The following EMILIN2 variants were observed in gnomAD, a reference collection of about 807,000 sequenced individuals.
EMILIN2 encodes EMILIN-2.
A neutral mutation model predicts 87.1 loss-of-function variants in EMILIN2; 71 were observed. The observed-to-expected ratio is 0.82, with a 90% CI of 0.67 to 0.99. EMILIN2 has a LOEUF of 0.99. Ranked by LOEUF, EMILIN2 falls within the 50% of genes least tolerant of loss-of-function variation. The pLI, the probability that EMILIN2 is intolerant of heterozygous loss-of-function variation, is 0.00. For synonymous variants in EMILIN2, 581 were observed against 563.4 expected (o/e 1.03, Z -0.44); for missense variants, 1,407 against 1,371.8 (o/e 1.03, Z -0.40).
rs975844351 is a variant in EMILIN2 at position 2,906,825 on chromosome 18, C to T, written c.2402C>T (p.Pro801Leu). Reference sequence around the variant, plus strand: ...CCGCCCGCAGAGGCCCCGAAGGAGCCGCTGCAGCCCGAGCCCGCCCCGCCG... The same window carrying T: ...CCGCCCGCAGAGGCCCCGAAGGAGCTGCTGCAGCCCGAGCCCGCCCCGCCG... ...PPPPAEAPKE[P>L]LQPEPAPPRP... Residue 801 changes from proline to leucine, a missense_variant, in exon 5 of 8, where the codon CCG becomes CTG. Transcript: ENST00000254528. The T allele has an allele frequency of 3.1e-5, 41 of 1,322,930 alleles. No individual in the cohort carries two copies. The highest frequency in any genetic ancestry group is 7.4e-5 in the Admixed American group (2 of 27,084). 81.9% of individuals were successfully genotyped at this position (1,322,930 alleles called of 1,614,324 possible).
At chr18:2,871,967 T>C (rs1196924784) in intron 2 of EMILIN2, among the ~76,000 whole-genome samples, 3 of 152,180 alleles carry the variant, frequency 2.0e-5, no homozygotes, top group Non-Finnish European at 4.4e-5. Context: ...GAGGAGCAAA[T>C]GTTATAAATC....
At chr18:2,909,402 ACT>A (rs573763419) in intron 6 of EMILIN2, among the ~76,000 whole-genome samples, 178 of 152,190 alleles carry the variant, frequency 1.2e-3, no homozygotes, top group African/African-American at 3.7e-3. Context: ...GTGTGCACAC[ACT>A]CACACGCACA....
rs2076854033 is a variant in EMILIN2, at chr18:2,894,379, C to T, written c.2359+1893C>T. Among the ~76,000 whole-genome samples, 2 of 152,180 alleles carry T rather than the reference C, an allele frequency of 1.3e-5. No individual in the cohort carries two copies. Among genetic ancestry groups the T allele is most frequent in the Admixed American group, 6.5e-5 (1 of 15,270 alleles). On this transcript the variant is annotated intron_variant, in intron 4 of 7. Transcript: ENST00000254528. This position sits in a 1 kb window ranked among gnomAD's most constrained non-coding sequence, Gnocchi z 5.0. The stretch of plus-strand genomic sequence containing the variant: ...CCACCCGAGTGTCCAGCCCACTGCA[C>T]CTCACTATTTATAACCCAGCCCTTC...
At chr18:2,866,213 G>C (rs1812364) in intron 2 of EMILIN2, among the ~76,000 whole-genome samples, 7,871 of 152,244 alleles carry the variant, frequency 0.052, 720 homozygotes, top group East Asian at 0.47. Flanking sequence ...TGCACCCACT[G>C]TCCGACACTC....
Position 2,913,137 on chromosome 18 carries a change from C to A in EMILIN2, c.2895C>A (p.Tyr965Ter), listed in dbSNP as rs544885950. 1.9e-6 allele frequency: 3 copies of A among 1,614,014 alleles called. No individual in the cohort carries two copies. The South Asian group carries it at 3.3e-5, about 18-fold the overall frequency. Residue 965 changes from tyrosine (Y) to a stop codon, truncating the protein, a stop_gained, in exon 8 of 8, where the codon TAC (tyrosine) becomes TAA (stop). Transcript: ENST00000254528. LOFTEE classifies it high-confidence loss of function. The stretch of plus-strand genomic sequence containing the variant: ...CCCTCACCCCCGAGAGAGACGCCTA[C>A]GTGGAAGCAGTGCTGTCGGTCTCCA... ...TATLTPERDA[Y>*]VEAVLSVSNA...
At chr18:2,866,990 A>T (rs945525309) in intron 2 of EMILIN2, among the ~76,000 whole-genome samples, 1 of 152,132 alleles carries the variant, frequency 6.6e-6, no homozygotes, top group South Asian at 2.1e-4. Context: ...TTTATGTGGT[A>T]TATCACATTT....
Position 2,890,902 on chromosome 18 carries a change from A to G in EMILIN2, c.775A>G (p.Met259Val), listed in dbSNP as rs35267664. 5,404 of 1,613,992 alleles carry G rather than the reference A, an allele frequency of 3.3e-3. 155 individuals carry two copies. The African/African-American group carries it at 0.062, about 19-fold the overall frequency. Residue 259 changes from methionine (M) to valine (V), a missense_variant, in exon 4 of 8, where the codon ATG becomes GTG. Coordinates refer to ENST00000254528, the MANE Select transcript of EMILIN2 (RefSeq NM_032048.3). This position sits in a 1 kb window ranked among gnomAD's most constrained non-coding sequence, Gnocchi z 4.7. ...PGVFNTKESGMKDIKSELAEV... is the reference protein window; with the variant it reads ...PGVFNTKESGVKDIKSELAEV... Reference sequence around the variant, plus strand: ...TGTCTTCAACACTAAGGAATCTGGCATGAAGGACATCAAGTCTGAATTGGC... The same window carrying G: ...TGTCTTCAACACTAAGGAATCTGGCGTGAAGGACATCAAGTCTGAATTGGC...
intron 2 of EMILIN2, among the ~76,000 whole-genome samples, chr18:2,875,382 G>T (rs919227011): frequency 4.6e-5 from 7 of 152,206 alleles, no homozygotes; most frequent in African/African-American, 1.7e-4. Context: ...GGGAGGGATC[G>T]TGAGACCAGT....
Position 2,892,106 on chromosome 18 carries a change from A to C in EMILIN2, c.1979A>C (p.Gln660Pro). 1.9e-6 allele frequency: 3 copies of C among 1,613,336 alleles called. 1 individual carries two copies. The South Asian group carries it at 3.3e-5, about 18-fold the overall frequency. ...ACAGTGGACACCCTGCCGTCCCCCC[A>C]GCACCCCGTGGCTCATTGCTGCAGT... ...ERTVDTLPSP[Q>P]HPVAHCCSQL... The change falls in exon 4 of 8, where the codon CAG becomes CCG. Residue 660 changes from glutamine (Q) to proline (P), a missense_variant. Physicochemically the swap from Gln to Pro is moderately conservative, Grantham distance 76. Transcript: ENST00000254528.
At chr18:2,895,790 A>C (rs550784094) in intron 4 of EMILIN2, among the ~76,000 whole-genome samples, 1 of 152,198 alleles carries the variant, frequency 6.6e-6, no homozygotes, top group South Asian at 2.1e-4. Flanking sequence ...GCCACATTCT[A>C]TTGTCAAAGC....
intron 4 of EMILIN2, among the ~76,000 whole-genome samples, chr18:2,904,384 C>T (rs1383647470): frequency 6.6e-6 from 1 of 152,202 alleles, no homozygotes; most frequent in Non-Finnish European, 1.5e-5. Flanking sequence ...CATCCCATTA[C>T]CCCTACATAC....
At chr18:2,867,413 G>A (rs1018086983) in intron 2 of EMILIN2, among the ~76,000 whole-genome samples, 2 of 151,856 alleles carry the variant, frequency 1.3e-5, no homozygotes, top group Admixed American at 6.6e-5. Flanking sequence ...GATTTGGCAG[G>A]GTCATAGGAC....
At position 2,892,390 on chromosome 18, in the gene EMILIN2, A is replaced by T; in HGVS notation, c.2263A>T (p.Ile755Phe). 6.2e-7 allele frequency: 1 copy of T among 1,614,102 alleles called. No homozygotes were observed. Among genetic ancestry groups the T allele is most frequent in the Non-Finnish European group, 8.5e-7 (1 of 1,180,034 alleles). ...AACGCTCAGGTCGCATTCCAGAGAC[A>T]TTTCTGGCCTGAAGAATTCAGTCCA... ...NGTLRSHSRD[I>F]SGLKNSVQQF... Residue 755 changes from isoleucine to phenylalanine, a missense_variant, in exon 4 of 8, where the codon ATT (isoleucine) becomes TTT (phenylalanine). Transcript: ENST00000254528.
chr18:2,908,149 C>G (rs1265885588), intron 5 of EMILIN2, among the ~76,000 whole-genome samples: 1 of 152,226 alleles, frequency 6.6e-6, no homozygotes, highest in Non-Finnish European at 1.5e-5. Flanking sequence ...TAAGATAACA[C>G]TTATCTTCTG....
chr18:2,869,905 G>T (rs2076711216), intron 2 of EMILIN2, among the ~76,000 whole-genome samples: 1 of 152,056 alleles, frequency 6.6e-6, no homozygotes, highest in African/African-American at 2.4e-5. Context: ...CGGAGTTTCT[G>T]AAGAACAACT....
intron 4 of EMILIN2, 96 bp from the exon 5 acceptor site, chr18:2,906,687 C>A (rs2076914170): frequency 2.9e-6 from 3 of 1,017,976 alleles, no homozygotes; most frequent in Non-Finnish European, 3.8e-6. Flanking sequence ...CTCACGGGGA[C>A]CCCGCTCGCC....
intron 4 of EMILIN2, among the ~76,000 whole-genome samples, chr18:2,905,683 A>G (rs1598505341): frequency 6.6e-6 from 1 of 150,540 alleles, no homozygotes; most frequent in African/African-American, 2.5e-5. Flanking sequence ...GCTCCCTGCA[A>G]CCTCCACCTC....
At chr18:2,863,707 G>T (rs28748066) in intron 2 of EMILIN2, among the ~76,000 whole-genome samples, 6,727 of 152,268 alleles carry the variant, frequency 0.044, 525 homozygotes, top group African/African-American at 0.15. Flanking sequence ...TTGATTTGGG[G>T]TGGAGAGTTC....
chr18:2,889,301 C>T lies in EMILIN2; in HGVS notation c.434-1260C>T, dbSNP rs577880611. On this transcript the variant is annotated intron_variant, in intron 3 of 7. Transcript: ENST00000254528. ...TACAGGCACCAGCCACCACACCTGG[C>T]TGATTTTTGTATTTTTAGTAGAGAT... is the stretch of plus-strand genomic sequence containing the variant. Among the ~76,000 whole-genome samples, 57 of 152,022 alleles carry T rather than the reference C, an allele frequency of 3.7e-4. No individual in the cohort carries two copies. The East Asian group carries it at 0.01, about 27-fold the overall frequency.
Sources: gnomAD v4.1 joint callset for allele counts (sites outside exome capture counted in the v4.1 genomes callset) on GRCh38, gnomAD v4.1.1 for gene constraint, Gnocchi (gnomAD v3.1) non-coding constraint, MANE v1.5 for transcripts, NCBI Gene and HGNC (gene_info 2026-07-23, HGNC 2026-07-21) for gene names.